The following FRAS1 variants were observed in gnomAD, a reference collection of about 807,000 sequenced individuals.
FRAS1 encodes the protein Fraser extracellular matrix complex subunit 1.
FRAS1 carries 290 observed loss-of-function variants against 435.2 expected under a neutral mutation model. The observed-to-expected ratio is 0.67, with a 90% CI of 0.61 to 0.73. The LOEUF is 0.73. Among genes scored for constraint, FRAS1 ranks in the 30% least tolerant of loss-of-function variants. The pLI, the probability that FRAS1 is intolerant of heterozygous loss-of-function variation, is 0.00. For missense variants in FRAS1, 4,860 were observed against 5,001.5 expected (o/e 0.97, Z 0.85); for synonymous variants, 1,800 against 1,851.0 (o/e 0.97, Z 0.71).
At chr4:78,154,203 A>T (rs1720786842) in intron 2 of FRAS1, among the ~76,000 whole-genome samples, 4 of 151,990 alleles carry the variant, frequency 2.6e-5, no homozygotes, top group Admixed American at 2.6e-4. Context: ...AACCCTACTC[A>T]CTATCGGGGT....
rs775061639 is a variant in FRAS1, at chr4:78,472,300, C to G, written c.7492C>G (p.Pro2498Ala). ...TGGCTTTGTGGAGAACAAGCTGCAG[C>G]CTGGCAGAGCTGCTGCCACTTTCAC... ...KHGFVENKLQ[P>A]GRAAATFTQE... The change falls in exon 52 of 74, where the codon CCT becomes GCT. Residue 2498 changes from proline to alanine, a missense_variant. By Grantham distance (27) the Pro-to-Ala change is conservative. Transcript: ENST00000512123. 6.2e-7 allele frequency: 1 copy of G among 1,608,766 alleles called. No individual in the cohort carries two copies. The highest frequency in any genetic ancestry group is 1.1e-5 in the South Asian group (1 of 90,306).
chr4:78,110,337 C>A (rs1742637364), intron 2 of FRAS1, among the ~76,000 whole-genome samples: 1 of 127,992 alleles, frequency 7.8e-6, no homozygotes, highest in Non-Finnish European at 1.6e-5. Context: ...ATCACACTAC[C>A]TGAGTTCAAA....
chr4:78,429,039 CGTGTCTCTGTGTGTGTGTGT>C (rs1375542502), intron 35 of FRAS1, 36 bp from the exon 36 acceptor site: 148 of 1,397,948 alleles, frequency 1.1e-4, no homozygotes, highest in Non-Finnish European at 1.3e-4. Flanking sequence ...TGTGTGTGTG[CGTGTCTCTGTGTGTGTGTGT>C]GTGTCTCTGT....
chr4:78,323,687 G>A (rs1245645998), intron 18 of FRAS1, among the ~76,000 whole-genome samples: 1 of 152,188 alleles, frequency 6.6e-6, no homozygotes, highest in South Asian at 2.1e-4. Context: ...GTGACAACCA[G>A]TGTGGCAGTA....
At chr4:78,496,998 G>A (rs763471089) in intron 60 of FRAS1, 37 bp downstream of exon 60, 15 of 1,550,082 alleles carry the variant, frequency 9.7e-6, no homozygotes, top group Non-Finnish European at 1.3e-5. Flanking sequence ...CTCTTAGGTT[G>A]AGGGGACATA....
intron 4 of FRAS1, among the ~76,000 whole-genome samples, chr4:78,251,271 G>T (rs866983820): frequency 1.5e-4 from 23 of 152,282 alleles, no homozygotes; most frequent in Middle Eastern, 3.4e-3. Context: ...CTTGACCTTT[G>T]TATCTGTGTC....
chr4:78,236,694 G>C (rs1396833457), intron 2 of FRAS1, among the ~76,000 whole-genome samples: 6 of 152,142 alleles, frequency 3.9e-5, no homozygotes, highest in South Asian at 2.1e-4. Context: ...TTCAAAATGG[G>C]CACAACTGAA....
In FRAS1 at chr4:78,509,589, G is replaced by A. The variant is rs553692479; in HGVS notation, c.9780+583G>A. The stretch of plus-strand genomic sequence containing the variant: ...TGCTGAATGATCAGCACGTTACAAA[G>A]CTCTATGGGAGGCCATGAAAAGACA... On this transcript the variant is annotated intron_variant, in intron 63 of 73. Transcript: ENST00000512123. Among the ~76,000 whole-genome samples, 11 of 152,280 alleles carry A rather than the reference G, an allele frequency of 7.2e-5. No homozygotes were observed. In the South Asian group the frequency reaches 1.0e-3, roughly 14 times the overall value.
rs1200632292 is a variant in FRAS1, at chr4:78,507,576, G to A, written c.9472G>A (p.Ala3158Thr). Residue 3158 changes from alanine to threonine, a missense_variant, in exon 62 of 74, where the codon GCA (alanine) becomes ACA (threonine). Coordinates refer to ENST00000512123, the MANE Select transcript of FRAS1 (RefSeq NM_025074.7). ...ATVTILDQEA[A>T]GSLILPAPPI... ...GGTGACAATTCTAGACCAGGAGGCAGCAGGGAGCCTCATATTGCCAGCACC... is the reference window on the plus strand; with the variant it reads ...GGTGACAATTCTAGACCAGGAGGCAACAGGGAGCCTCATATTGCCAGCACC... 8 of 1,603,866 alleles carry A rather than the reference G, an allele frequency of 5.0e-6. No homozygotes were observed. The South Asian group carries it at 6.8e-5, about 14-fold the overall frequency.
intron 70 of FRAS1, among the ~76,000 whole-genome samples, chr4:78,533,510 T>C (rs1263425309): frequency 1.3e-5 from 2 of 152,240 alleles, no homozygotes; most frequent in East Asian, 1.9e-4. Context: ...AATATTGCTC[T>C]TCCTTCTAAG....
chr4:78,267,391 A>G lies in FRAS1; in HGVS notation c.940A>G (p.Thr314Ala). ...CTGCATGTGTGATCATGGCCAAGTG[A>G]CCTGCCAGACTGGAGAGTGTGCCAA... ...EFCMCDHGQV[T>A]CQTGECAKVE... The change falls in exon 9 of 74, where the codon ACC (threonine) becomes GCC (alanine). Residue 314 changes from threonine to alanine, a missense_variant. Coordinates refer to ENST00000512123, the MANE Select transcript of FRAS1 (RefSeq NM_025074.7). 2 of 1,613,888 alleles carry G rather than the reference A, an allele frequency of 1.2e-6. No homozygotes were observed. Among genetic ancestry groups the G allele is most frequent in the Non-Finnish European group, 1.7e-6 (2 of 1,179,846 alleles).
chr4:78,318,667 T>G (rs1305397097), intron 17 of FRAS1, 143 bp from the exon 18 acceptor site: 14 of 755,808 alleles, frequency 1.9e-5, no homozygotes, highest in Non-Finnish European at 2.8e-5. Flanking sequence ...ATTATCACTC[T>G]GTGCTTTGTA....
At chr4:78,449,580 T>C (rs1718956863) in intron 44 of FRAS1, among the ~76,000 whole-genome samples, 1 of 151,882 alleles carries the variant, frequency 6.6e-6, no homozygotes, top group African/African-American at 2.4e-5. Flanking sequence ...AGAAGAGGAG[T>C]TTGCCATTAG....
intron 2 of FRAS1, among the ~76,000 whole-genome samples, chr4:78,116,716 ATG>A (rs1743213517): frequency 6.6e-6 from 1 of 152,056 alleles, no homozygotes. Context: ...TTTTGAGCCT[ATG>A]TGTGTCTCTG....
intron 2 of FRAS1, among the ~76,000 whole-genome samples, chr4:78,139,985 A>C (rs1462104909): frequency 1.3e-5 from 2 of 152,132 alleles, no homozygotes; most frequent in Non-Finnish European, 2.9e-5. Flanking sequence ...ACTTAGCTGA[A>C]CTTTTTGTGC....
intron 14 of FRAS1, among the ~76,000 whole-genome samples, chr4:78,305,950 C>G (rs1292259874): frequency 6.6e-6 from 1 of 151,872 alleles, no homozygotes. Context: ...GCAGTTTCCT[C>G]TTAGTCTCGA....
chr4:78,117,282 A>T (rs1354395811), intron 2 of FRAS1, among the ~76,000 whole-genome samples: 2 of 151,958 alleles, frequency 1.3e-5, no homozygotes, highest in African/African-American at 4.8e-5. Context: ...CTTCATTTCA[A>T]CTTTGGTGAA....
rs539642978 is a variant in FRAS1 at position 78,089,102 on chromosome 4, A to C, written c.108+23086A>C. Among the ~76,000 whole-genome samples, 7 of 152,254 alleles carry C rather than the reference A, an allele frequency of 4.6e-5. No homozygotes were observed. In the East Asian group the frequency reaches 1.3e-3, roughly 29 times the overall value. ...CACCATGGAATACTATGCAGCCATA[A>C]AAAATGATGAGTTCATGTCCTTTGT... On this transcript the variant is annotated intron_variant, in intron 2 of 73. Transcript: ENST00000512123.
At chr4:78,514,612 T>G (rs2109887472) in intron 65 of FRAS1, among the ~76,000 whole-genome samples, 1 of 152,328 alleles carries the variant, frequency 6.6e-6, no homozygotes, top group South Asian at 2.1e-4. Context: ...TGTGTTTAAA[T>G]ACTAAACTTT....
Sources: gnomAD v4.1 joint callset for allele counts (sites outside exome capture counted in the v4.1 genomes callset) on GRCh38, gnomAD v4.1.1 for gene constraint, MANE v1.5 for transcripts, NCBI Gene and HGNC (gene_info 2026-07-23, HGNC 2026-07-21) for gene names.